Variants in RNFT1 observed in about 807,000 individuals in gnomAD.
RNFT1 encodes E3 ubiquitin-protein ligase RNFT1.
In RNFT1, 35 loss-of-function variants were observed where a neutral mutation model predicts 53.2. That is an observed-to-expected ratio of 0.66 (90% CI 0.50 to 0.87). The LOEUF is 0.87. Ranked by LOEUF, RNFT1 falls within the 40% of genes least tolerant of loss-of-function variation. RNFT1 has a pLI of 0.00. For synonymous variants in RNFT1, 141 were observed against 172.8 expected (o/e 0.82, Z 1.44); for missense variants, 421 against 515.0 (o/e 0.82, Z 1.77).
chr17:59,953,040 C>G lies in RNFT1; in HGVS notation c.1245G>C (p.Val415=). The change falls in exon 9 of 9, where the codon GTG becomes GTC. Residue 415 remains valine, a synonymous_variant. Coordinates refer to ENST00000305783, the MANE Select transcript of RNFT1 (RefSeq NM_016125.4). ...REKTCPLCRT[V]ISDHINKWKD... ...TCCATTTGTTTATATGGTCTGAAAT[C>G]ACAGTTCTGCAGAGTGGACATGTTT... is the stretch of plus-strand genomic sequence containing the variant. The G allele has an allele frequency of 6.2e-7, 1 of 1,613,086 alleles. No homozygotes were observed. The highest frequency in any genetic ancestry group is 8.5e-7 in the Non-Finnish European group (1 of 1,179,196).
chr17:59,952,699 A>G lies in RNFT1; in HGVS notation c.*278T>C, dbSNP rs2045228466. Reference sequence around the variant, plus strand: ...TCTAATTTCAAATTGCTGTTTTGGTAACATAAAGAAAACACATTTACAATT... The same window carrying G: ...TCTAATTTCAAATTGCTGTTTTGGTGACATAAAGAAAACACATTTACAATT... On this transcript the variant is annotated 3_prime_UTR_variant, in exon 9 of 9. Transcript: ENST00000305783. 1 of 223,952 alleles carries G rather than the reference A, an allele frequency of 4.5e-6. No homozygotes were observed. The highest frequency in any genetic ancestry group is 8.6e-6 in the Non-Finnish European group (1 of 115,626). 13.9% of individuals were successfully genotyped at this position (223,952 alleles called of 1,614,324 possible). A position where few individuals can be genotyped will look rare whatever the true frequency, so the allele number is the denominator to read the frequency against.
rs1429523526 is a variant in RNFT1, at chr17:59,962,935, G to A, written c.406C>T (p.His136Tyr). 1.2e-6 allele frequency: 2 copies of A among 1,614,092 alleles called. No homozygotes were observed. Among genetic ancestry groups the A allele is most frequent in the Admixed American group, 1.7e-5 (1 of 60,018 alleles). ...AATTCTGAGAAGGAGCTACTACCAT[G>A]ATCTCCAGATTCTGCGGCAGTATCA... ...TDDTAAESGD[H>Y]GSSSFSEFRY... Residue 136 changes from histidine (H) to tyrosine (Y), a missense_variant, in exon 2 of 9, where the codon CAT (histidine) becomes TAT (tyrosine). By Grantham distance (83) the His-to-Tyr change is moderately conservative. Coordinates refer to ENST00000305783, the MANE Select transcript of RNFT1 (RefSeq NM_016125.4).
At chr17:59,961,917 G>C (rs1265410107) in intron 3 of RNFT1, among the ~76,000 whole-genome samples, 2 of 113,300 alleles carry the variant, frequency 1.8e-5, no homozygotes, top group African/African-American at 7.1e-5. Flanking sequence ...ATGGAGTCTC[G>C]TTCTGTAGCC....
At chr17:59,958,588 A>C in intron 4 of RNFT1, 144 bp from the exon 5 acceptor site, 1 of 736,168 alleles carries the variant, frequency 1.4e-6, no homozygotes, top group Non-Finnish European at 2.4e-6. Context: ...CAATAATGGA[A>C]TGGAGGATCA....
At chr17:59,963,342 A>G in intron 1 of RNFT1, 58 bp from the exon 2 acceptor site, 2 of 1,409,352 alleles carry the variant, frequency 1.4e-6, no homozygotes, top group Admixed American at 3.7e-5. Context: ...CCAGCAGTAT[A>G]TTCCTCACTG....
Position 59,964,716 on chromosome 17 carries a change from C to T in RNFT1, c.-53G>A. On this transcript the variant is annotated 5_prime_UTR_variant, in exon 1 of 9. Coordinates refer to ENST00000305783, the MANE Select transcript of RNFT1 (RefSeq NM_016125.4). The stretch of plus-strand genomic sequence containing the variant: ...CCATCAACCGCAAACCCCGCAAGCT[C>T]TTCTCTCAGCCCGGCGGCAACGGCG... 2.0e-6 allele frequency: 3 copies of T among 1,534,862 alleles called. No individual in the cohort carries two copies. Among genetic ancestry groups the T allele is most frequent in the Admixed American group, 2.0e-5 (1 of 50,686 alleles).
At chr17:59,963,392 A>G (rs2045310350) in intron 1 of RNFT1, 108 bp from the exon 2 acceptor site, 8 of 910,558 alleles carry the variant, frequency 8.8e-6, no homozygotes, top group Non-Finnish European at 1.2e-5. Flanking sequence ...AATAATCACA[A>G]CAGATGAATT....
chr17:59,962,355 A>G (rs575215116), intron 3 of RNFT1, 185 bp downstream of exon 3: 6 of 504,192 alleles, frequency 1.2e-5, no homozygotes, highest in Non-Finnish European at 2.1e-5. Context: ...AGGTGAAGGA[A>G]TTCAGCATTA....
Position 59,963,008 on chromosome 17 carries a change from TAC to T in RNFT1, c.331_332del (p.Val111ThrfsTer11). On this transcript the variant is annotated frameshift_variant, in exon 2 of 9. Coordinates refer to ENST00000305783, the MANE Select transcript of RNFT1 (RefSeq NM_016125.4). LOFTEE classifies it high-confidence loss of function. Reference sequence around the variant, plus strand: ...GGGAGTGACCCCGTAAGCGACTGTGTACACATCCATGGGCACAGCTATGGACA... The same window carrying T: ...GGGAGTGACCCCGTAAGCGACTGTGTACATCCATGGGCACAGCTATGGACA... ...SGVHSCAHGCVHSRLRGHSHS... is the reference protein window; with the variant it reads ...SGVHSCAHGCXHSRLRGHSHS... The T allele has an allele frequency of 6.2e-7, 1 of 1,614,266 alleles. No individual in the cohort carries two copies. The highest frequency in any genetic ancestry group is 1.1e-5 in the South Asian group (1 of 91,090).
chr17:59,961,347 A>C (rs2045290765), intron 3 of RNFT1, among the ~76,000 whole-genome samples: 1 of 151,802 alleles, frequency 6.6e-6, no homozygotes, highest in African/African-American at 2.4e-5. Context: ...CTGTAATCTC[A>C]CTTTTAAAGT....
intron 4 of RNFT1, 38 bp from the exon 5 acceptor site, chr17:59,958,482 A>T: frequency 7.0e-7 from 1 of 1,435,036 alleles, no homozygotes; most frequent in Non-Finnish European, 9.5e-7. Context: ...TCAGAGCAAC[A>T]TACAAAGATA....
chr17:59,953,812 T>C (rs542489414), intron 8 of RNFT1: 2 of 373,848 alleles, frequency 5.3e-6, no homozygotes, highest in East Asian at 1.1e-4. Flanking sequence ...TTAATCACTT[T>C]GGTATTCAAT....
chr17:59,961,203 A>C (rs1404091311), intron 3 of RNFT1, among the ~76,000 whole-genome samples: 13 of 150,874 alleles, frequency 8.6e-5, no homozygotes, highest in Non-Finnish European at 1.5e-5. Context: ...CGCCCAGCTA[A>C]TTTTTTGTAT....
chr17:59,964,567 C>A (rs1185041484), intron 1 of RNFT1, 41 bp downstream of exon 1: 3 of 1,558,210 alleles, frequency 1.9e-6, no homozygotes, highest in Non-Finnish European at 1.7e-6. Flanking sequence ...CGCCGCGGCC[C>A]CTCGCCGCCT....
At chr17:59,953,989 T>C (rs1214452404) in intron 8 of RNFT1, 56 bp downstream of exon 8, 2 of 1,124,866 alleles carry the variant, frequency 1.8e-6, no homozygotes, top group African/African-American at 1.6e-5. Context: ...AATTTGACTT[T>C]TGCAAGTCAC....
chr17:59,953,071 CTG>C lies in RNFT1; in HGVS notation c.1212_1213del (p.Asn404LysfsTer52), dbSNP rs1403507685. 1.2e-6 allele frequency: 2 copies of C among 1,612,064 alleles called. No individual in the cohort carries two copies. The highest frequency in any genetic ancestry group is 1.3e-5 in the African/African-American group (1 of 74,958). ...TCTGCAGAGTGGACATGTTTTCTCT[CTG>C]TTAAACCATAAGGTCATGCACTCTT... is the stretch of plus-strand genomic sequence containing the variant. On this transcript the variant is annotated frameshift_variant, in exon 9 of 9. Coordinates refer to ENST00000305783, the MANE Select transcript of RNFT1 (RefSeq NM_016125.4). LOFTEE classifies it high-confidence loss of function.
Position 59,952,847 on chromosome 17 carries a change from A to G in RNFT1, c.*130T>C, listed in dbSNP as rs1302711547. ...ATTTAATCTTTTGGTGAATTGGATCATAAGTCCTACATTCTAAAACCATCT... is the reference window on the plus strand; with the variant it reads ...ATTTAATCTTTTGGTGAATTGGATCGTAAGTCCTACATTCTAAAACCATCT... On this transcript the variant is annotated 3_prime_UTR_variant, in exon 9 of 9. Transcript: ENST00000305783. 6 of 782,712 alleles carry G rather than the reference A, an allele frequency of 7.7e-6. No homozygotes were observed. Among genetic ancestry groups the G allele is most frequent in the East Asian group, 2.7e-5 (1 of 37,348 alleles). The allele number at this position is 782,712 out of a possible 1,614,324, so 48.5% of individuals were successfully genotyped here. A position where few individuals can be genotyped will look rare whatever the true frequency, so the allele number is the denominator to read the frequency against.
intron 1 of RNFT1, among the ~76,000 whole-genome samples, chr17:59,963,944 G>C (rs1477356947): frequency 6.6e-6 from 1 of 152,164 alleles, no homozygotes; most frequent in Non-Finnish European, 1.5e-5. Context: ...ATACTTTGGA[G>C]AGTCACCACG....
At chr17:59,956,658 A>C in intron 6 of RNFT1, 105 bp from the exon 7 acceptor site, 2 of 753,744 alleles carry the variant, frequency 2.7e-6, no homozygotes, top group Non-Finnish European at 4.6e-6. Flanking sequence ...ATATTAACTT[A>C]ATGTTCATTA....
Sources: allele counts gnomAD v4.1 joint callset (sites outside exome capture counted in the v4.1 genomes callset), GRCh38; gene constraint gnomAD v4.1.1; transcripts MANE v1.5; gene names NCBI Gene and HGNC (gene_info 2026-07-23, HGNC 2026-07-21).